IL1RAPL2: variants seen among roughly 807,000 people sequenced by gnomAD.
The protein encoded by IL1RAPL2 is interleukin 1 receptor accessory protein like 2, also known as X-linked interleukin-1 receptor accessory protein-like 2.
A neutral mutation model predicts 44.1 loss-of-function variants in IL1RAPL2; 3 were observed. The ratio of observed to expected loss-of-function variants is 0.07; its 90% CI spans 0.03 to 0.18. The LOEUF is 0.18. IL1RAPL2 is among the 10% of genes least tolerant of loss of function. IL1RAPL2 has a pLI of 1.00. For synonymous variants in IL1RAPL2, 181 were observed against 178.8 expected, an observed-to-expected ratio of 1.01 and a Z score of -0.10; for missense variants, 391 against 496.4, an observed-to-expected ratio of 0.79 and a Z score of 2.02.
At chrX:105,157,107 C>CA (rs1294362653) in intron 2 of IL1RAPL2, among the ~76,000 whole-genome samples, 1,585 of 34,700 alleles carry the variant, frequency 0.046, 43 homozygotes, top group African/African-American at 0.11. Context: ...TTCGAGTTAG[C>CA]AAAAAAAAAA....
intron 6 of IL1RAPL2, among the ~76,000 whole-genome samples, chrX:105,710,931 T>C (rs2038204624): frequency 9.4e-6 from 1 of 105,964 alleles, no homozygotes; most frequent in Non-Finnish European, 1.9e-5. Context: ...TACACTGATA[T>C]ACATATAAAT....
chrX:104,640,385 T>C (rs778261701), intron 1 of IL1RAPL2, among the ~76,000 whole-genome samples: 5 of 112,078 alleles, frequency 4.5e-5, no homozygotes, highest in Non-Finnish European at 1.9e-5. Flanking sequence ...ATTCATATCC[T>C]GAATTGGTTT....
At chrX:105,214,184 T>C (rs1556161950) in intron 3 of IL1RAPL2, among the ~76,000 whole-genome samples, 1 of 96,775 alleles carries the variant, frequency 1.0e-5, no homozygotes, top group African/African-American at 3.9e-5. Flanking sequence ...GCAAACTAGA[T>C]AAAAAGTCAA....
chrX:105,222,161 G>C (rs995546744), intron 3 of IL1RAPL2, among the ~76,000 whole-genome samples: 37 of 111,818 alleles, frequency 3.3e-4, no homozygotes, highest in Non-Finnish European at 4.7e-4. Context: ...CATCATTTAT[G>C]TACCTAAGGG....
chrX:105,452,606 T>C (rs1212453916), intron 5 of IL1RAPL2, among the ~76,000 whole-genome samples: 1 of 111,776 alleles, frequency 8.9e-6, no homozygotes, highest in Non-Finnish European at 1.9e-5. Context: ...GTACTTTTAT[T>C]GGGCTCTATC....
chrX:105,250,040 A>G (rs768477404), intron 4 of IL1RAPL2, among the ~76,000 whole-genome samples: 151 of 110,989 alleles, frequency 1.4e-3, no homozygotes, highest in African/African-American at 1.3e-3. Flanking sequence ...AAAATGATAT[A>G]TCAAATCATA....
chrX:104,850,703 T>C (rs1459277678), intron 2 of IL1RAPL2, among the ~76,000 whole-genome samples: 1 of 111,811 alleles, frequency 8.9e-6, no homozygotes, highest in African/African-American at 3.2e-5. Flanking sequence ...TTTGAGACTC[T>C]TTTTAAAAAA....
intron 2 of IL1RAPL2, among the ~76,000 whole-genome samples, chrX:105,041,758 C>G (rs995732477): frequency 1.8e-5 from 2 of 108,196 alleles, no homozygotes; most frequent in Admixed American, 9.9e-5. Flanking sequence ...AAAAAGAGCC[C>G]GCATCGCCAA....
intron 6 of IL1RAPL2, among the ~76,000 whole-genome samples, chrX:105,517,084 G>A (rs1489579983): frequency 3.6e-5 from 4 of 111,531 alleles, no homozygotes; most frequent in African/African-American, 1.3e-4. Flanking sequence ...GAAATCAAAA[G>A]ACAGGTGTGT....
chrX:105,288,355 T>C (rs2034586614), intron 5 of IL1RAPL2, among the ~76,000 whole-genome samples: 1 of 110,066 alleles, frequency 9.1e-6, no homozygotes, highest in Non-Finnish European at 1.9e-5. Context: ...GTAAATCATA[T>C]TGGGGTAAAT....
intron 2 of IL1RAPL2, among the ~76,000 whole-genome samples, chrX:104,947,820 C>T (rs949951698): frequency 1.8e-5 from 2 of 111,989 alleles, no homozygotes; most frequent in Non-Finnish European, 3.8e-5. Context: ...GTTACTGTAG[C>T]CTTGTAGTAT....
At chrX:104,789,047 C>T (rs1358130236) in intron 2 of IL1RAPL2, among the ~76,000 whole-genome samples, 3 of 111,717 alleles carry the variant, frequency 2.7e-5, no homozygotes, top group East Asian at 2.8e-4. Flanking sequence ...CAATAAAAGC[C>T]GCCTTTCTTC....
intron 5 of IL1RAPL2, 77 bp from the exon 6 acceptor site, chrX:105,484,236 A>G (rs1485854493): frequency 1.1e-5 from 8 of 749,015 alleles, no homozygotes; most frequent in Non-Finnish European, 1.7e-5. Flanking sequence ...AACATTAAAT[A>G]TCATACATGA....
intron 2 of IL1RAPL2, among the ~76,000 whole-genome samples, chrX:105,078,474 G>A (rs1168421357): frequency 1.8e-5 from 2 of 112,199 alleles, no homozygotes; most frequent in South Asian, 3.7e-4. Flanking sequence ...AGGCTACTCG[G>A]GGGTCAGGGA....
At chrX:104,750,043 T>C (rs1932232714) in intron 2 of IL1RAPL2, among the ~76,000 whole-genome samples, 1 of 111,797 alleles carries the variant, frequency 8.9e-6, no homozygotes, top group Admixed American at 9.5e-5. Context: ...TTGATTCTTC[T>C]GAGAACTGGA....
At chrX:105,659,178 A>C (rs79425158) in intron 6 of IL1RAPL2, among the ~76,000 whole-genome samples, 11 of 110,076 alleles carry the variant, frequency 1.0e-4, no homozygotes, top group African/African-American at 3.3e-4. Context: ...AAAACCACCA[A>C]CACCACCCGG....
chrX:104,686,986 T>C (rs370537420), intron 2 of IL1RAPL2, among the ~76,000 whole-genome samples: 1 of 112,177 alleles, frequency 8.9e-6, no homozygotes, highest in Admixed American at 9.5e-5. Context: ...CTTCAGTGCT[T>C]GCAACAACCG....
At chrX:105,621,454 G>A (rs1480967789) in intron 6 of IL1RAPL2, among the ~76,000 whole-genome samples, 1 of 111,404 alleles carries the variant, frequency 9.0e-6, no homozygotes, top group Non-Finnish European at 1.9e-5. Flanking sequence ...GAATTTTAAG[G>A]CATTGCGACA....
chrX:105,090,639 T>G (rs2147554361), intron 2 of IL1RAPL2, among the ~76,000 whole-genome samples: 1 of 112,536 alleles, frequency 8.9e-6, no homozygotes, highest in Non-Finnish European at 1.9e-5. Context: ...CAAGTACAAA[T>G]ATGTATGATT....
Sources: allele counts gnomAD v4.1 joint callset (sites outside exome capture counted in the v4.1 genomes callset), GRCh38; gene constraint gnomAD v4.1.1; transcripts MANE v1.5; gene names NCBI Gene and HGNC (gene_info 2026-07-23, HGNC 2026-07-21).